EGFL6: variants seen among roughly 807,000 people sequenced by gnomAD.
The protein encoded by EGFL6 is epidermal growth factor-like protein 6.
A neutral mutation model predicts 43.1 loss-of-function variants in EGFL6; 42 were observed. The ratio of observed to expected loss-of-function variants is 0.98; its 90% CI spans 0.76 to 1.26. The LOEUF (loss-of-function observed/expected upper bound fraction) is 1.26. Ranked by LOEUF, EGFL6 falls within the 50% of genes most tolerant of loss-of-function variation. EGFL6 has a pLI of 0.00. For synonymous variants in EGFL6, 164 were observed against 163.2 expected (o/e 1.01, Z -0.04); for missense variants, 429 against 427.8 (o/e 1.00, Z -0.02).
intron 1 of EGFL6, among the ~76,000 whole-genome samples, chrX:13,577,295 ATT>A (rs57338089): frequency 0.056 from 4,888 of 87,913 alleles, 390 homozygotes; most frequent in African/African-American, 0.2. Context: ...TTATATATGA[ATT>A]TTATATATAT....
chrX:13,625,745 G>T (rs1456681526), intron 10 of EGFL6, among the ~76,000 whole-genome samples: 1 of 108,588 alleles, frequency 9.2e-6, no homozygotes, highest in Non-Finnish European at 1.9e-5. Flanking sequence ...AATTAGCCAG[G>T]TGTGGCGGCA....
chrX:13,632,841 T>A, intron 11 of EGFL6, 144 bp from the exon 12 acceptor site: 1 of 471,567 alleles, frequency 2.1e-6, no homozygotes, highest in Non-Finnish European at 3.4e-6. Context: ...ACCTGGCATC[T>A]AAAAAATAAT....
intron 3 of EGFL6, among the ~76,000 whole-genome samples, chrX:13,598,574 G>C (rs940801470): frequency 1.5e-4 from 16 of 108,529 alleles, no homozygotes; most frequent in Non-Finnish European, 3.1e-4. Context: ...TGTTGTTGTT[G>C]TTGTTGTTGT....
At chrX:13,611,391 A>G (rs150595616) in intron 7 of EGFL6, among the ~76,000 whole-genome samples, 1,848 of 111,459 alleles carry the variant, frequency 0.017, 35 homozygotes, top group African/African-American at 0.057. Context: ...AAATATGAAA[A>G]TGTTGTGCAT....
chrX:13,582,929 G>C (rs1279339055), intron 1 of EGFL6, among the ~76,000 whole-genome samples: 1 of 111,669 alleles, frequency 9.0e-6, no homozygotes, highest in Non-Finnish European at 1.9e-5. Context: ...ATTTGGTTTT[G>C]TGTGATTTCA....
intron 2 of EGFL6, chrX:13,590,271 G>C (rs1182041871): frequency 2.7e-5 from 3 of 112,564 alleles, no homozygotes; most frequent in African/African-American, 9.7e-5. Flanking sequence ...GGAACTCCGA[G>C]AGAGGCCTCT....
chrX:13,577,021 C>T (rs1233878456), intron 1 of EGFL6, among the ~76,000 whole-genome samples: 1 of 110,663 alleles, frequency 9.0e-6, no homozygotes, highest in Non-Finnish European at 1.9e-5. Flanking sequence ...AAAATTAATT[C>T]AGTTTAATGC....
chrX:13,579,603 A>G (rs1473023602), intron 1 of EGFL6, among the ~76,000 whole-genome samples: 11 of 111,811 alleles, frequency 9.8e-5, no homozygotes, highest in Non-Finnish European at 1.9e-5. Flanking sequence ...TCCTTTGGAT[A>G]TATACCCAGA....
intron 1 of EGFL6, among the ~76,000 whole-genome samples, chrX:13,588,764 A>C (rs1485258977): frequency 8.9e-6 from 1 of 111,733 alleles, no homozygotes; most frequent in Non-Finnish European, 1.9e-5. Context: ...CAGGAAAATT[A>C]TATGCTATTC....
At chrX:13,586,954 A>G (rs1031998836) in intron 1 of EGFL6, among the ~76,000 whole-genome samples, 1 of 112,558 alleles carries the variant, frequency 8.9e-6, no homozygotes, top group Non-Finnish European at 1.9e-5. Context: ...AAAACATACT[A>G]AGTTAAAGAA....
chrX:13,601,442 TC>T (rs2045633529), intron 4 of EGFL6, among the ~76,000 whole-genome samples: 1 of 111,589 alleles, frequency 9.0e-6, no homozygotes, highest in Non-Finnish European at 1.9e-5. Flanking sequence ...CTGCCTGCCT[TC>T]CCTTCTCCCC....
chrX:13,583,193 T>A (rs2045517082), intron 1 of EGFL6, among the ~76,000 whole-genome samples: 2 of 110,454 alleles, frequency 1.8e-5, no homozygotes, highest in Non-Finnish European at 1.9e-5. Flanking sequence ...TACACTCAAA[T>A]TTTCAGGCCA....
rs779190173 is a variant in EGFL6 at position 13,597,876 on chromosome X, G to C, written c.281-2099G>C. ...AAAACTTGGTTTTCCATATGTTTTG[G>C]ATTCTGAACCAAGATACTGTCTCAA... On this transcript the variant is annotated intron_variant, in intron 3 of 11. Coordinates refer to ENST00000361306, the MANE Select transcript of EGFL6 (RefSeq NM_015507.4). 4.4e-4 allele frequency among the ~76,000 whole-genome samples: 50 copies of C among 112,397 alleles called. 1 individual carries two copies. The highest frequency in any genetic ancestry group is 8.1e-4 in the Non-Finnish European group (43 of 53,255).
chrX:13,569,614 A>C lies in EGFL6; in HGVS notation c.-248A>C. 3 of 270,550 alleles carry C rather than the reference A, an allele frequency of 1.1e-5. No individual in the cohort carries two copies. Among genetic ancestry groups the C allele is most frequent in the Admixed American group, 5.2e-5 (1 of 19,383 alleles). 22.3% of individuals were successfully genotyped at this position (270,550 alleles called of 1,213,427 possible). A position where few individuals can be genotyped will look rare whatever the true frequency, so the allele number is the denominator to read the frequency against. Reference sequence around the variant, plus strand: ...CCGCCCTCCCTCGCTCACCCCGTCCAGCTTCATCCGCAGAGGAGCCTCGGC... The same window carrying C: ...CCGCCCTCCCTCGCTCACCCCGTCCCGCTTCATCCGCAGAGGAGCCTCGGC... On this transcript the variant is annotated 5_prime_UTR_variant, in exon 1 of 12. Coordinates refer to ENST00000361306, the MANE Select transcript of EGFL6 (RefSeq NM_015507.4).
At chrX:13,582,156 G>A (rs1169055794) in intron 1 of EGFL6, among the ~76,000 whole-genome samples, 2 of 108,829 alleles carry the variant, frequency 1.8e-5, no homozygotes, top group Admixed American at 9.8e-5. Context: ...TCTGACTCCC[G>A]GGTTCACGCC....
At chrX:13,626,864 A>G in intron 10 of EGFL6, 147 bp from the exon 11 acceptor site, 2 of 623,721 alleles carry the variant, frequency 3.2e-6, no homozygotes, top group Non-Finnish European at 4.9e-6. Flanking sequence ...TTTAGCATGA[A>G]ACTTTTATTC....
At chrX:13,592,850 G>A (rs903035228) in intron 2 of EGFL6, among the ~76,000 whole-genome samples, 1 of 80,046 alleles carries the variant, frequency 1.2e-5, no homozygotes, top group Non-Finnish European at 2.3e-5. Flanking sequence ...TGCCCACAGT[G>A]TTGCCTTTGT....
Position 13,605,857 on chromosome X carries a change from C to T in EGFL6, c.521-522C>T, listed in dbSNP as rs143897543. Among the ~76,000 whole-genome samples the T allele has an allele frequency of 6.4e-4, 72 of 112,533 alleles. No homozygotes were observed. The East Asian group carries it at 0.019, about 29-fold the overall frequency. On this transcript the variant is annotated intron_variant, in intron 5 of 11. Coordinates refer to ENST00000361306, the MANE Select transcript of EGFL6 (RefSeq NM_015507.4). ...ATTTATGCATAAGTGCATGCCTTCACAACCACATTTCTGTGAGTCAATATT... is the reference window on the plus strand; with the variant it reads ...ATTTATGCATAAGTGCATGCCTTCATAACCACATTTCTGTGAGTCAATATT...
intron 10 of EGFL6, among the ~76,000 whole-genome samples, chrX:13,626,430 G>T (rs2045780822): frequency 8.9e-6 from 1 of 112,177 alleles, no homozygotes; most frequent in Admixed American, 9.5e-5. Context: ...CTACACCACA[G>T]GTTAAAAGAT....
Sources: allele counts gnomAD v4.1 joint callset (sites outside exome capture counted in the v4.1 genomes callset), GRCh38; gene constraint gnomAD v4.1.1; transcripts MANE v1.5; gene names NCBI Gene and HGNC (gene_info 2026-07-23, HGNC 2026-07-21).